The following IQSEC2 variants were observed in gnomAD, a reference collection of about 807,000 sequenced individuals.
IQSEC2 encodes IQ motif and Sec7 domain ArfGEF 2, also known as IQ motif and SEC7 domain-containing protein 2.
Under a neutral mutation model 74.6 loss-of-function variants are expected in IQSEC2, and 6 were observed. That is an observed-to-expected ratio of 0.08 (90% CI 0.04 to 0.16). The LOEUF is 0.16. IQSEC2 is among the 10% of genes least tolerant of loss of function. IQSEC2 has a pLI of 1.00. For missense variants in IQSEC2, 734 were observed against 1,306.2 expected (o/e 0.56, Z 6.75); for synonymous variants, 494 against 544.5 (o/e 0.91, Z 1.29).
At chrX:53,258,229 A>G (rs782100683) in intron 2 of IQSEC2, among the ~76,000 whole-genome samples, 2 of 112,031 alleles carry the variant, frequency 1.8e-5, no homozygotes, top group South Asian at 3.7e-4. Flanking sequence ...TCCAGCCAGA[A>G]ATTATTGCTG....
At chrX:53,265,510 G>A (rs2074641313) in intron 2 of IQSEC2, among the ~76,000 whole-genome samples, 1 of 111,290 alleles carries the variant, frequency 9.0e-6, no homozygotes, top group African/African-American at 3.3e-5. Flanking sequence ...AAAGCTCAAG[G>A]AGAAGAAAAA....
chrX:53,307,236 GCAGCTCAC>G (rs201402380), intron 1 of IQSEC2, among the ~76,000 whole-genome samples: 1,601 of 108,373 alleles, frequency 0.015, 38 homozygotes, highest in African/African-American at 0.052. Flanking sequence ...GGATACATAG[GCAGCTCAC>G]CACTCAGTCA....
intron 2 of IQSEC2, among the ~76,000 whole-genome samples, chrX:53,268,917 A>G (rs938448798): frequency 2.9e-4 from 33 of 112,461 alleles, no homozygotes; most frequent in Admixed American, 2.8e-3. Context: ...GGAAATACCT[A>G]TTCTGCAGGG....
intron 1 of IQSEC2, among the ~76,000 whole-genome samples, chrX:53,316,423 G>C (rs2075371507): frequency 9.0e-6 from 1 of 111,311 alleles, no homozygotes; most frequent in African/African-American, 3.3e-5. Context: ...CCTCTCCCTG[G>C]GCTCACTGTC....
intron 4 of IQSEC2, among the ~76,000 whole-genome samples, chrX:53,252,950 T>C (rs1464390445): frequency 8.9e-6 from 1 of 111,832 alleles, no homozygotes; most frequent in Non-Finnish European, 1.9e-5. Flanking sequence ...CTGGTTTCTC[T>C]CTTTTTAGCT....
rs1349247809 is a variant in IQSEC2, at chrX:53,320,324, C to T, written c.707+93G>A. The stretch of plus-strand genomic sequence containing the variant: ...CGGGTTGGGACAGGAGAGGAAGACA[C>T]GGAACCAGACACTGGCTTCTTACTC... On this transcript the variant is annotated intron_variant, in intron 1 of 14. Transcript: ENST00000642864. 1.6e-5 allele frequency: 14 copies of T among 848,516 alleles called. No individual in the cohort carries two copies. In the African/African-American group the frequency reaches 2.5e-4, roughly 15 times the overall value. 69.9% of individuals were successfully genotyped at this position (848,516 alleles called of 1,213,427 possible).
At chrX:53,300,033 G>C (rs1419337032) in intron 1 of IQSEC2, among the ~76,000 whole-genome samples, 1 of 110,944 alleles carries the variant, frequency 9.0e-6, no homozygotes, top group Non-Finnish European at 1.9e-5. Flanking sequence ...GTTGGGGGGG[G>C]AATTACAGTC....
intron 2 of IQSEC2, 108 bp downstream of exon 2, chrX:53,291,787 T>G: frequency 1.5e-6 from 1 of 687,901 alleles, no homozygotes; most frequent in African/African-American, 2.2e-5. Flanking sequence ...AAGACGCCCT[T>G]GAGTTGGCCC....
At chrX:53,277,378 A>ATTATTTT (rs1431637825) in intron 2 of IQSEC2, among the ~76,000 whole-genome samples, 2 of 109,505 alleles carry the variant, frequency 1.8e-5, no homozygotes, top group Non-Finnish European at 3.8e-5. Context: ...CGCCTGGCTA[A>ATTATTTT]TTATTTTTTA....
chrX:53,299,835 C>CCT (rs1168582686), intron 1 of IQSEC2, among the ~76,000 whole-genome samples: 2 of 111,547 alleles, frequency 1.8e-5, no homozygotes, highest in Non-Finnish European at 3.8e-5. Flanking sequence ...ACAGCCTTGA[C>CCT]CTCCTGGGCT....
intron 2 of IQSEC2, among the ~76,000 whole-genome samples, chrX:53,283,576 A>G (rs1016404399): frequency 5.4e-5 from 6 of 112,038 alleles, no homozygotes; most frequent in African/African-American, 2.0e-4. Context: ...AGTGAGGAAG[A>G]TTTCTAAGAA....
intron 1 of IQSEC2, among the ~76,000 whole-genome samples, chrX:53,304,933 T>A (rs1556876261): frequency 1.8e-5 from 2 of 111,771 alleles, no homozygotes; most frequent in African/African-American, 6.5e-5. Context: ...ATTTTTTATT[T>A]TTTGAGACAG....
chrX:53,230,008 G>A (rs1057134264), downstream of IQSEC2: 5 of 112,375 alleles, frequency 4.4e-5, no homozygotes, highest in African/African-American at 9.7e-5. Flanking sequence ...GTCTCCACGC[G>A]GTGCCATGTG....
intron 2 of IQSEC2, among the ~76,000 whole-genome samples, chrX:53,258,190 A>G (rs2074507649): frequency 8.9e-6 from 1 of 112,120 alleles, no homozygotes; most frequent in South Asian, 3.7e-4. Flanking sequence ...GTCATATGCC[A>G]CCACTAAGAA....
intron 4 of IQSEC2, 39 bp downstream of exon 4, chrX:53,254,491 C>T (rs371034993): frequency 1.0e-5 from 12 of 1,172,999 alleles, no homozygotes; most frequent in Admixed American, 2.5e-5. Flanking sequence ...AGCCAGAACA[C>T]GGGGATGGGG....
intron 1 of IQSEC2, among the ~76,000 whole-genome samples, chrX:53,302,454 C>T (rs1289270936): frequency 9.0e-6 from 1 of 111,696 alleles, no homozygotes; most frequent in Admixed American, 9.5e-5. Context: ...CGTGGTGGCA[C>T]CAGAGAGAAA....
intron 1 of IQSEC2, among the ~76,000 whole-genome samples, chrX:53,298,759 T>G (rs1242661354): frequency 2.7e-5 from 3 of 111,725 alleles, no homozygotes; most frequent in African/African-American, 9.8e-5. Context: ...TTTTCTCATC[T>G]TTTCTCTTCT....
intron 10 of IQSEC2, among the ~76,000 whole-genome samples, chrX:53,241,378 G>A (rs2074218994): frequency 9.0e-6 from 1 of 111,635 alleles, no homozygotes; most frequent in African/African-American, 3.3e-5. Context: ...AAAGTTCTGG[G>A]ACTATAGGTG....
chrX:53,302,145 T>C (rs1258751718), intron 1 of IQSEC2, among the ~76,000 whole-genome samples: 1 of 112,512 alleles, frequency 8.9e-6, no homozygotes, highest in Non-Finnish European at 1.9e-5. Flanking sequence ...TGGAAAATGC[T>C]TAAATGAGAA....
Sources: gnomAD v4.1 joint callset for allele counts (sites outside exome capture counted in the v4.1 genomes callset) on GRCh38, gnomAD v4.1.1 for gene constraint, MANE v1.5 for transcripts, NCBI Gene and HGNC (gene_info 2026-07-23, HGNC 2026-07-21) for gene names.